PRKCB: variants seen among roughly 807,000 people sequenced by gnomAD.
PRKCB encodes the protein protein kinase C beta, also known as protein kinase C beta type.
In PRKCB, 13 loss-of-function variants were observed where a neutral mutation model predicts 81.5. The ratio of observed to expected loss-of-function variants is 0.16; its 90% CI spans 0.10 to 0.25. The LOEUF (loss-of-function observed/expected upper bound fraction) is 0.25. Among genes scored for constraint, PRKCB ranks in the 10% least tolerant of loss-of-function variants. PRKCB has a pLI of 1.00. For missense variants in PRKCB, 509 were observed against 875.7 expected, an observed-to-expected ratio of 0.58 and a Z score of 5.29; for synonymous variants, 335 against 321.4, an observed-to-expected ratio of 1.04 and a Z score of -0.45.
chr16:24,038,334 A>G (rs1965649698), intron 5 of PRKCB, among the ~76,000 whole-genome samples: 1 of 152,228 alleles, frequency 6.6e-6, no homozygotes, highest in Non-Finnish European at 1.5e-5. Context: ...ACCCTGGCAT[A>G]TTGTAGGATT....
At chr16:24,024,080 C>T (rs1316084422) in intron 3 of PRKCB, among the ~76,000 whole-genome samples, 1 of 152,218 alleles carries the variant, frequency 6.6e-6, no homozygotes, top group African/African-American at 2.4e-5. Flanking sequence ...GAGCTTCATC[C>T]CTGGGGTCAT....
At chr16:24,057,599 C>A (rs1029567999) in intron 5 of PRKCB, among the ~76,000 whole-genome samples, 2 of 152,090 alleles carry the variant, frequency 1.3e-5, no homozygotes, top group African/African-American at 4.8e-5. Flanking sequence ...GAAGAGAGAG[C>A]TCACTATAAA....
chr16:24,051,480 G>A (rs1372803419), intron 5 of PRKCB, among the ~76,000 whole-genome samples: 1 of 152,132 alleles, frequency 6.6e-6, no homozygotes, highest in African/African-American at 2.4e-5. Context: ...TGAAAGGTGC[G>A]CTTGCAGGTG....
chr16:24,179,979 C>G (rs1174503062), intron 12 of PRKCB, among the ~76,000 whole-genome samples: 2 of 151,978 alleles, frequency 1.3e-5, no homozygotes, highest in Non-Finnish European at 2.9e-5. Flanking sequence ...GAGTCTCGCT[C>G]TGTCACCCAG....
intron 2 of PRKCB, among the ~76,000 whole-genome samples, chr16:23,868,297 AAAAAT>A (rs377647041): frequency 7.2e-5 from 11 of 152,344 alleles, no homozygotes; most frequent in African/African-American, 2.6e-4. Context: ...ATGGGAAGCA[AAAAAT>A]AAAACTCAGA....
At chr16:23,838,554 G>A (rs1962209670) in intron 2 of PRKCB, among the ~76,000 whole-genome samples, 1 of 152,234 alleles carries the variant, frequency 6.6e-6, no homozygotes. Context: ...TAGGGGCAAA[G>A]TGACCACCAC....
intron 7 of PRKCB, chr16:24,111,214 G>A (rs533502814): frequency 1.8e-4 from 27 of 152,296 alleles, no homozygotes; most frequent in South Asian, 1.2e-3. Context: ...ATGTGGAGGC[G>A]TAGAGGCTCA....
intron 16 of PRKCB, among the ~76,000 whole-genome samples, chr16:24,204,191 C>T (rs1968007887): frequency 6.6e-6 from 1 of 152,090 alleles, no homozygotes. Flanking sequence ...TCGCCACACC[C>T]TACAAGAAAC....
chr16:24,113,123 C>T lies in PRKCB; in HGVS notation c.918+54C>T. The T allele has an allele frequency of 5.8e-6, 8 of 1,386,270 alleles. No homozygotes were observed. In the South Asian group the frequency reaches 7.4e-5, roughly 13 times the overall value. The allele number at this position is 1,386,270 out of a possible 1,614,324, so 85.9% of individuals were successfully genotyped here. A position where few individuals can be genotyped will look rare whatever the true frequency, so the allele number is the denominator to read the frequency against. Reference sequence around the variant, plus strand: ...TCTTTTTTCTCTTTCTTTTTTCCTTCTTTCCTCCTGCTCCCTCCTCTTTCT... The same window carrying T: ...TCTTTTTTCTCTTTCTTTTTTCCTTTTTTCCTCCTGCTCCCTCCTCTTTCT... On this transcript the variant is annotated intron_variant, in intron 8 of 16. Transcript: ENST00000643927.
Position 24,074,878 on chromosome 16 carries a change from T to C in PRKCB, c.530-17913T>C, listed in dbSNP as rs141738017. Among the ~76,000 whole-genome samples the C allele has an allele frequency of 3.3e-5, 5 of 152,242 alleles. 1 individual carries two copies. The highest frequency in any genetic ancestry group is 1.2e-4 in the African/African-American group (5 of 41,544). ...GGCTCACACCTGTAATCCCAAAACT[T>C]TGGGAGGCCAAGGTGGAAGGATTGC... On this transcript the variant is annotated intron_variant, in intron 5 of 16. Transcript: ENST00000643927.
chr16:23,933,940 CAT>C (rs1964020133), intron 2 of PRKCB, among the ~76,000 whole-genome samples: 2 of 130,020 alleles, frequency 1.5e-5, no homozygotes, highest in Non-Finnish European at 3.3e-5. Flanking sequence ...TCCATCCATC[CAT>C]CCATCCATCC....
At chr16:24,107,040 A>G (rs1193530528) in intron 7 of PRKCB, among the ~76,000 whole-genome samples, 1 of 152,218 alleles carries the variant, frequency 6.6e-6, no homozygotes, top group Non-Finnish European at 1.5e-5. Flanking sequence ...ACTTGCCAGA[A>G]ACATTTCTCA....
intron 2 of PRKCB, 136 bp downstream of exon 2, chr16:23,837,542 AC>A: frequency 9.1e-7 from 1 of 1,097,642 alleles, no homozygotes; most frequent in Non-Finnish European, 1.3e-6. Context: ...GGAATTCTTC[AC>A]CACAACAGGG....
chr16:24,158,831 A>G (rs918577921), intron 10 of PRKCB, among the ~76,000 whole-genome samples: 1 of 151,814 alleles, frequency 6.6e-6, no homozygotes, highest in African/African-American at 2.4e-5. Flanking sequence ...GTTAATATTT[A>G]AAAATATTTT....
intron 3 of PRKCB, among the ~76,000 whole-genome samples, chr16:24,009,741 C>T (rs1229498796): frequency 2.0e-5 from 3 of 151,520 alleles, no homozygotes; most frequent in African/African-American, 7.3e-5. Context: ...AGGCTGGGCC[C>T]GGTGGCTCAC....
chr16:24,076,709 C>A (rs925530095), intron 5 of PRKCB, among the ~76,000 whole-genome samples: 1 of 152,138 alleles, frequency 6.6e-6, no homozygotes, highest in African/African-American at 2.4e-5. Flanking sequence ...CTGTTTGAGT[C>A]ACAGAAGGAA....
chr16:23,844,993 G>C (rs1254561745), intron 2 of PRKCB, among the ~76,000 whole-genome samples: 1 of 152,104 alleles, frequency 6.6e-6, no homozygotes. Flanking sequence ...GTAGAGACAG[G>C]GTTTCACCAT....
chr16:23,934,021 T>TCATTCATC, intron 2 of PRKCB, among the ~76,000 whole-genome samples: 1 of 142,492 alleles, frequency 7.0e-6, no homozygotes, highest in South Asian at 2.3e-4. Context: ...TTCTACCCAC[T>TCATTCATC]CATCCATCCA....
Position 24,110,235 on chromosome 16 carries a change from G to C in PRKCB, c.822-2738G>C, listed in dbSNP as rs562349337. 2.0e-5 allele frequency among the ~76,000 whole-genome samples: 3 copies of C among 151,276 alleles called. No homozygotes were observed. The South Asian group carries it at 6.3e-4, about 32-fold the overall frequency. Reference sequence around the variant, plus strand: ...AAGTCTATTTTTTTTTTCTTGAGACGGTGTCTCGCTCTGTTGCCCAGGCTG... The same window carrying C: ...AAGTCTATTTTTTTTTTCTTGAGACCGTGTCTCGCTCTGTTGCCCAGGCTG... On this transcript the variant is annotated intron_variant, in intron 7 of 16. Transcript: ENST00000643927.
Sources: gnomAD v4.1 joint callset for allele counts (sites outside exome capture counted in the v4.1 genomes callset) on GRCh38, gnomAD v4.1.1 for gene constraint, MANE v1.5 for transcripts, NCBI Gene and HGNC (gene_info 2026-07-23, HGNC 2026-07-21) for gene names.